DYRK1A: variants seen among roughly 807,000 people sequenced by gnomAD.
DYRK1A encodes dual specificity tyrosine phosphorylation regulated kinase 1A, also known as dual specificity tyrosine-phosphorylation-regulated kinase 1A.
Under a neutral mutation model 79.7 loss-of-function variants are expected in DYRK1A, and 9 were observed. The observed-to-expected ratio is 0.11, with a 90% CI of 0.07 to 0.20. The LOEUF (loss-of-function observed/expected upper bound fraction) is 0.20, where lower values mean the gene tolerates loss of function less well. Ranked by LOEUF, DYRK1A falls within the 10% of genes least tolerant of loss-of-function variation. The pLI is 1.00. For synonymous variants in DYRK1A, 349 were observed against 329.7 expected (o/e 1.06, Z -0.63); for missense variants, 622 against 956.0 (o/e 0.65, Z 4.61).
intron 9 of DYRK1A, among the ~76,000 whole-genome samples, chr21:37,499,310 G>C (rs2053368415): frequency 6.6e-6 from 1 of 152,134 alleles, no homozygotes; most frequent in African/African-American, 2.4e-5. Flanking sequence ...CAGGGTGAAG[G>C]GGTTGAAGTT....
chr21:37,485,503 G>A (rs2052826235), intron 5 of DYRK1A, among the ~76,000 whole-genome samples: 1 of 152,158 alleles, frequency 6.6e-6, no homozygotes, highest in Non-Finnish European at 1.5e-5. Flanking sequence ...GAGAACATAC[G>A]TTTCATCCTC....
At chr21:37,384,396 T>G (rs1462027191) in intron 1 of DYRK1A, among the ~76,000 whole-genome samples, 1 of 152,016 alleles carries the variant, frequency 6.6e-6, no homozygotes, top group Non-Finnish European at 1.5e-5. Context: ...GTAACCAGAG[T>G]GGAAATGCAG....
Position 37,493,040 on chromosome 21 carries a change from C to CG in DYRK1A, c.948_949insG (p.Phe317ValfsTer14). Reference sequence around the variant, plus strand: ...AGATATACCAGTATATTCAGAGTCGCTTTTATCGGTCTCCAGAGGTGCTAC... The same window carrying CG: ...AGATATACCAGTATATTCAGAGTCGCGTTTTATCGGTCTCCAGAGGTGCTAC... On this transcript the variant is annotated frameshift_variant, in exon 8 of 12. Transcript: ENST00000647188. LOFTEE classifies it high-confidence loss of function. The CG allele has an allele frequency of 6.2e-7, 1 of 1,606,946 alleles. No homozygotes were observed. The highest frequency in any genetic ancestry group is 8.5e-7 in the Non-Finnish European group (1 of 1,174,838).
At chr21:37,455,101 A>G (rs1367585578) in intron 2 of DYRK1A, among the ~76,000 whole-genome samples, 7 of 151,198 alleles carry the variant, frequency 4.6e-5, no homozygotes, top group African/African-American at 1.7e-4. Flanking sequence ...TCCCAGGACA[A>G]TTCTTGGGAG....
chr21:37,383,384 A>G (rs535877252), intron 1 of DYRK1A, among the ~76,000 whole-genome samples: 64 of 152,306 alleles, frequency 4.2e-4, no homozygotes, highest in African/African-American at 1.5e-3. Context: ...CCTGGTCCCC[A>G]TGGGGTTTTC....
At chr21:37,401,098 C>T (rs773363287) in intron 1 of DYRK1A, among the ~76,000 whole-genome samples, 10 of 152,018 alleles carry the variant, frequency 6.6e-5, no homozygotes, top group East Asian at 1.9e-4. Flanking sequence ...GAGCTGAGAT[C>T]GTGCCACTGC....
At chr21:37,477,550 C>T (rs1349116835) in intron 3 of DYRK1A, among the ~76,000 whole-genome samples, 1 of 152,096 alleles carries the variant, frequency 6.6e-6, no homozygotes, top group Admixed American at 6.6e-5. Flanking sequence ...GGTGGAACCC[C>T]TCATTGCCTG....
intron 8 of DYRK1A, among the ~76,000 whole-genome samples, chr21:37,493,894 G>A (rs2053174760): frequency 6.7e-6 from 1 of 149,364 alleles, no homozygotes; most frequent in Admixed American, 6.7e-5. Flanking sequence ...AATAGGTGGT[G>A]TCAGAAACTT....
intron 1 of DYRK1A, among the ~76,000 whole-genome samples, chr21:37,377,905 A>C (rs2049579926): frequency 6.6e-6 from 1 of 152,200 alleles, no homozygotes; most frequent in Non-Finnish European, 1.5e-5. Context: ...GTGTTCTGTG[A>C]GTATTGGCCA....
rs73400121 is a variant in DYRK1A at position 37,473,172 on chromosome 21, A to G, written c.207+292A>G. On this transcript the variant is annotated intron_variant, in intron 3 of 11. Coordinates refer to ENST00000647188, the MANE Select transcript of DYRK1A (RefSeq NM_001347721.2). ...GATCTTGAAGAAAAAGCTTATTTTT[A>G]TGGAAAGGTGGCTAAGTTAAAACCG... is the stretch of plus-strand genomic sequence containing the variant. 4.6e-3 allele frequency among the ~76,000 whole-genome samples: 704 copies of G among 152,332 alleles called. 4 individuals carry two copies. Among genetic ancestry groups the G allele is most frequent in the African/African-American group, 0.016 (660 of 41,572 alleles).
rs143981938 is a variant in DYRK1A, at chr21:37,375,834, T to C, written c.-77+8206T>C. On this transcript the variant is annotated intron_variant, in intron 1 of 11. Transcript: ENST00000647188. ...CTGGAGGAATATTCTTTACCTGTTA[T>C]GAGGTTAACACTTTATTTGTATCAG... is the stretch of plus-strand genomic sequence containing the variant. Among the ~76,000 whole-genome samples the C allele has an allele frequency of 5.3e-5, 8 of 152,188 alleles. No homozygotes were observed. In the East Asian group the frequency reaches 1.4e-3, roughly 26 times the overall value.
intron 2 of DYRK1A, among the ~76,000 whole-genome samples, chr21:37,445,298 A>G (rs2051232318): frequency 6.6e-6 from 1 of 152,232 alleles, no homozygotes; most frequent in South Asian, 2.1e-4. Flanking sequence ...CCGGAAAGTA[A>G]TGGAACTATT....
intron 1 of DYRK1A, among the ~76,000 whole-genome samples, chr21:37,418,001 A>G (rs1336714562): frequency 1.3e-5 from 2 of 152,192 alleles, no homozygotes; most frequent in Non-Finnish European, 2.9e-5. Flanking sequence ...AAAAAAATGA[A>G]AATATGACTG....
chr21:37,369,500 A>G (rs932813328), intron 1 of DYRK1A, among the ~76,000 whole-genome samples: 2 of 152,240 alleles, frequency 1.3e-5, no homozygotes, highest in Non-Finnish European at 2.9e-5. Context: ...GTAGCTGTCC[A>G]AATTTATTTA....
intron 1 of DYRK1A, among the ~76,000 whole-genome samples, chr21:37,382,464 T>TCAAAA (rs1445198954): frequency 8.5e-5 from 13 of 152,282 alleles, no homozygotes; most frequent in African/African-American, 3.1e-4. Context: ...ATTTATAATT[T>TCAAAA]CTTGAACTTA....
chr21:37,388,864 T>TC (rs1180048944), intron 1 of DYRK1A, among the ~76,000 whole-genome samples: 1 of 151,888 alleles, frequency 6.6e-6, no homozygotes, highest in Non-Finnish European at 1.5e-5. Flanking sequence ...CAGGTTGGTC[T>TC]CCATCTCCTG....
At chr21:37,390,655 G>A (rs564136603) in intron 1 of DYRK1A, among the ~76,000 whole-genome samples, 1 of 151,982 alleles carries the variant, frequency 6.6e-6, no homozygotes. Flanking sequence ...TGCAACCTCC[G>A]CTTCCCGTGT....
intron 11 of DYRK1A, among the ~76,000 whole-genome samples, chr21:37,509,231 A>G (rs2053684581): frequency 6.6e-6 from 1 of 152,244 alleles, no homozygotes; most frequent in South Asian, 2.1e-4. Flanking sequence ...AAATACAAAT[A>G]CATATTCTTC....
chr21:37,457,835 AT>A lies in DYRK1A; in HGVS notation c.11-14842del, dbSNP rs558435554. The stretch of plus-strand genomic sequence containing the variant: ...CTGGGATGGGAGAAGGAAAAAGTTA[AT>A]TTTTTTCCCCCTTGACTGCTGTTGC... On this transcript the variant is annotated intron_variant, in intron 2 of 11. Transcript: ENST00000647188. Among the ~76,000 whole-genome samples the A allele has an allele frequency of 3.9e-5, 6 of 152,226 alleles. No homozygotes were observed. The South Asian group carries it at 1.2e-3, about 32-fold the overall frequency.
Sources: allele counts gnomAD v4.1 joint callset (sites outside exome capture counted in the v4.1 genomes callset), GRCh38; gene constraint gnomAD v4.1.1; transcripts MANE v1.5; gene names NCBI Gene and HGNC (gene_info 2026-07-23, HGNC 2026-07-21).